BRD3: variants seen among roughly 807,000 people sequenced by gnomAD.
BRD3 encodes the protein bromodomain containing 3.
BRD3 carries 17 observed loss-of-function variants against 66.8 expected under a neutral mutation model. That is an observed-to-expected ratio of 0.25 (90% CI 0.17 to 0.38). The LOEUF (loss-of-function observed/expected upper bound fraction) is 0.38, where lower values mean the gene tolerates loss of function less well. BRD3 is among the 10% of genes least tolerant of loss of function. The pLI, the probability that BRD3 is intolerant of heterozygous loss-of-function variation, is 1.00. For missense variants in BRD3, 713 were observed against 956.1 expected (o/e 0.75, Z 3.35); for synonymous variants, 421 against 393.2 (o/e 1.07, Z -0.84).
intron 8 of BRD3, among the ~76,000 whole-genome samples, chr9:134,041,050 T>C (rs1192477760): frequency 6.6e-6 from 1 of 152,164 alleles, no homozygotes; most frequent in Non-Finnish European, 1.5e-5. Flanking sequence ...TGTGTGTCCT[T>C]GCCACTTCAA....
Position 134,033,060 on chromosome 9 carries a change from C to T in BRD3, c.*530G>A, listed in dbSNP as rs1843539706. 1 of 398,760 alleles carries T rather than the reference C, an allele frequency of 2.5e-6. No homozygotes were observed. The allele number at this position is 398,760 out of a possible 1,614,324, so 24.7% of individuals were successfully genotyped here. ...CGATGACCCTTCGCTTAGGCCCAGC[C>T]TGGTCTCCACAAGCAGGCACATCTG... On this transcript the variant is annotated 3_prime_UTR_variant, in exon 12 of 12. Transcript: ENST00000303407. The surrounding 1 kb of genome is among the most constrained non-coding windows in gnomAD (Gnocchi z 5.1).
chr9:134,057,118 C>G (rs1322681375), intron 1 of BRD3: 2 of 152,268 alleles, frequency 1.3e-5, no homozygotes, highest in Non-Finnish European at 2.9e-5. Flanking sequence ...GCCCATGCAC[C>G]TTCCACGTCT....
At chr9:134,062,730 T>C (rs933613255) in intron 1 of BRD3, among the ~76,000 whole-genome samples, 1 of 152,114 alleles carries the variant, frequency 6.6e-6, no homozygotes, top group Non-Finnish European at 1.5e-5. Context: ...AACGAGGAAG[T>C]TGGCCCCACA....
intron 1 of BRD3, among the ~76,000 whole-genome samples, chr9:134,066,181 C>CAGGCACCCGGTGCCCTGCTG (rs1332306411): frequency 5.9e-5 from 9 of 152,190 alleles, no homozygotes; most frequent in Non-Finnish European, 1.0e-4. Flanking sequence ...ACAGTCTTTC[C>CAGGCACCCGGTGCCCTGCTG]AGGCACCCGG....
At chr9:134,061,240 C>T (rs943121037) in intron 1 of BRD3, among the ~76,000 whole-genome samples, 5 of 152,254 alleles carry the variant, frequency 3.3e-5, no homozygotes, top group Non-Finnish European at 5.9e-5. Context: ...TGGGGCAAAC[C>T]AGCCAAGGGG....
Position 134,048,150 on chromosome 9 carries a change from G to C in BRD3, c.1019C>G (p.Ala340Gly), listed in dbSNP as rs1321661713. ...GTAGTCGTGCAGCTCCAGGGCCTCG[G>C]CATCCACTGGCTTGTAGAAGGGCCA... Reference protein sequence around the residue: ...YAWPFYKPVDAEALELHDYHD... With the variant: ...YAWPFYKPVDGEALELHDYHD... The change falls in exon 6 of 12, where the codon GCC (alanine) becomes GGC (glycine). Residue 340 changes from alanine (A) to glycine (G), a missense_variant. Ala to Gly is a moderately conservative substitution (Grantham distance 60). Coordinates refer to ENST00000303407, the MANE Select transcript of BRD3 (RefSeq NM_007371.4). The C allele has an allele frequency of 6.2e-7, 1 of 1,609,292 alleles. No homozygotes were observed. The highest frequency in any genetic ancestry group is 1.3e-5 in the African/African-American group (1 of 74,868).
chr9:134,067,369 G>A lies in BRD3; in HGVS notation c.-114+576C>T, dbSNP rs928101647. 2.7e-5 allele frequency among the ~76,000 whole-genome samples: 4 copies of A among 150,550 alleles called. No individual in the cohort carries two copies. The South Asian group carries it at 8.3e-4, about 31-fold the overall frequency. On this transcript the variant is annotated intron_variant, in intron 1 of 11. Coordinates refer to ENST00000303407, the MANE Select transcript of BRD3 (RefSeq NM_007371.4). ...CGGCCTTGCCCCCCGCCCCGGCCGC[G>A]GCGCGCGGCGACGGTCCCCAGGCGC...
chr9:134,050,246 A>G (rs2132422008), intron 5 of BRD3, 128 bp downstream of exon 5: 1 of 820,748 alleles, frequency 1.2e-6, no homozygotes, highest in Non-Finnish European at 1.9e-6. Flanking sequence ...CCCAGGGCGC[A>G]GAGAGAAACA....
At position 134,036,076 on chromosome 9, in the gene BRD3, C is replaced by G; in HGVS notation, c.1892G>C (p.Arg631Thr). 2 of 1,613,374 alleles carry G rather than the reference C, an allele frequency of 1.2e-6. No individual in the cohort carries two copies. Among genetic ancestry groups the G allele is most frequent in the Non-Finnish European group, 1.7e-6 (2 of 1,179,592 alleles). The change falls in exon 10 of 12, where the codon AGA (arginine) becomes ACA (threonine). Residue 631 changes from arginine (R) to threonine (T), a missense_variant. This residue lies in a region of BRD3 where 418 missense variants were observed against 609.3 expected (regional missense o/e 0.69). Transcript: ENST00000303407. ...LKPTTLRELE[R>T]YVKSCLQKKQ... ...TTTCTGTAAACAAGACTTGACATAT[C>G]TCTCCAGTTCCCGCAAAGTGGTGGG...
chr9:134,035,995 G>A (rs747735691), intron 10 of BRD3, 37 bp downstream of exon 10: 16 of 1,556,342 alleles, frequency 1.0e-5, no homozygotes, highest in Non-Finnish European at 1.1e-5. Flanking sequence ...GGAGGGGAGA[G>A]GAACTTCAAG....
intron 9 of BRD3, among the ~76,000 whole-genome samples, chr9:134,039,148 C>G (rs1829988104): frequency 6.6e-6 from 1 of 152,192 alleles, no homozygotes; most frequent in African/African-American, 2.4e-5. Flanking sequence ...TTTCTTTTGC[C>G]TGCACAACCA....
chr9:134,051,597 T>G lies in BRD3; in HGVS notation c.464A>C (p.Lys155Thr). 6.4e-7 allele frequency: 1 copy of G among 1,573,094 alleles called. No individual in the cohort carries two copies. Among genetic ancestry groups the G allele is most frequent in the South Asian group, 1.2e-5 (1 of 83,930 alleles). ...GGCTCCCGCAGCCGGCTTCCGACCT[T>G]TGCCCTTTGGAGCAGGGGGTAATAA... ...VELLPPAPKG[K>T]GRKPAAGAQS... The change falls in exon 4 of 12, where the codon AAA (lysine) becomes ACA (threonine). Residue 155 changes from lysine to threonine, a missense_variant. Coordinates refer to ENST00000303407, the MANE Select transcript of BRD3 (RefSeq NM_007371.4).
At position 134,041,846 on chromosome 9, in the gene BRD3, G is replaced by A. The variant is rs201243496; in HGVS notation, c.1321C>T (p.Arg441Cys). The A allele has an allele frequency of 5.0e-5, 80 of 1,612,878 alleles. No homozygotes were observed. The highest frequency in any genetic ancestry group is 6.2e-5 in the Non-Finnish European group (73 of 1,179,846). Reference sequence around the variant, plus strand: ...TCCGAAGAGCTCTCCTCACTGCTACGGCTGCTCTCAGCGCCCTTGCTCACC... The same window carrying A: ...TCCGAAGAGCTCTCCTCACTGCTACAGCTGCTCTCAGCGCCCTTGCTCACC... ...PMVSKGAESS[R>C]SSEESSSDSG... Residue 441 changes from arginine (R) to cysteine (C), a missense_variant, in exon 8 of 12, where the codon CGT (arginine) becomes TGT (cysteine). Arg to Cys is a radical substitution (Grantham distance 180). Coordinates refer to ENST00000303407, the MANE Select transcript of BRD3 (RefSeq NM_007371.4).
chr9:134,051,796 T>A, intron 3 of BRD3, 87 bp from the exon 4 acceptor site: 1 of 1,461,808 alleles, frequency 6.8e-7, no homozygotes, highest in Non-Finnish European at 9.1e-7. Flanking sequence ...CAAAAAAATA[T>A]TTAAAATTTG....
chr9:134,035,922 G>GTA, intron 10 of BRD3, 110 bp downstream of exon 10: 1 of 1,404,804 alleles, frequency 7.1e-7, no homozygotes, highest in Admixed American at 2.5e-5. Context: ...AAGACAGCGT[G>GTA]GCAGCCCTGT....
intron 2 of BRD3, among the ~76,000 whole-genome samples, chr9:134,052,770 A>G (rs907802454): frequency 1.3e-5 from 2 of 152,254 alleles, no homozygotes; most frequent in African/African-American, 4.8e-5. Context: ...AGCAGAGCCC[A>G]GAGCCCAGGC....
At chr9:134,039,958 C>A in intron 9 of BRD3, 76 bp downstream of exon 9, 2 of 1,515,068 alleles carry the variant, frequency 1.3e-6, no homozygotes, top group Admixed American at 2.2e-5. Flanking sequence ...CCCCCAATCC[C>A]AGCACTGCTG....
chr9:134,059,112 T>C (rs1210450993), intron 1 of BRD3, among the ~76,000 whole-genome samples: 1 of 152,228 alleles, frequency 6.6e-6, no homozygotes, highest in Non-Finnish European at 1.5e-5. Context: ...GACTGAAAGT[T>C]CTATGAATGA....
Position 134,033,646 on chromosome 9 carries a change from C to G in BRD3, c.2125G>C (p.Glu709Gln). The change falls in exon 12 of 12, where the codon GAG becomes CAG. Residue 709 changes from glutamate (E) to glutamine (Q), a missense_variant. By Grantham distance (29) the Glu-to-Gln change is conservative. Around this residue, in one of 5 missense-constraint regions of BRD3, gnomAD observed 42 missense variants for 29.2 expected, o/e 1.44. Transcript: ENST00000303407. This position sits in a 1 kb window ranked among gnomAD's most constrained non-coding sequence, Gnocchi z 5.1. Reference sequence around the variant, plus strand: ...CCGCTGGAGCTGCTGCTCCCAGACTCGGAGGAGCTGCTGCTGCTGAGCCTG... The same window carrying G: ...CCGCTGGAGCTGCTGCTCCCAGACTGGGAGGAGCTGCTGCTGCTGAGCCTG... ...PSRLSSSSSS[E>Q]SGSSSSSGSS... 1 of 770,844 alleles carries G rather than the reference C, an allele frequency of 1.3e-6. No homozygotes were observed. Among genetic ancestry groups the G allele is most frequent in the Non-Finnish European group, 2.4e-6 (1 of 413,820 alleles). The allele number at this position is 770,844 out of a possible 1,614,324, so 47.8% of individuals were successfully genotyped here. A position where few individuals can be genotyped will look rare whatever the true frequency, so the allele number is the denominator to read the frequency against.
Sources: allele counts gnomAD v4.1 joint callset (sites outside exome capture counted in the v4.1 genomes callset), GRCh38; gene constraint gnomAD v4.1.1; regional missense constraint gnomAD v4.1.1; non-coding constraint Gnocchi (gnomAD v3.1); transcripts MANE v1.5; gene names NCBI Gene and HGNC (gene_info 2026-07-23, HGNC 2026-07-21).